FMNL2: variants seen among roughly 807,000 people sequenced by gnomAD.
The protein encoded by FMNL2 is formin-like protein 2.
A neutral mutation model predicts 130.2 loss-of-function variants in FMNL2; 51 were observed. That is an observed-to-expected ratio of 0.39 (90% confidence interval 0.31 to 0.49). The LOEUF (loss-of-function observed/expected upper bound fraction) is 0.49, where lower values mean the gene tolerates loss of function less well. FMNL2 is among the 20% of genes least tolerant of loss of function. The pLI is 0.85. For synonymous variants in FMNL2, 465 were observed against 467.1 expected (o/e 1.00, Z 0.06); for missense variants, 977 against 1,316.2 (o/e 0.74, Z 3.99).
At chr2:152,506,401 T>C (rs1692172344) in intron 1 of FMNL2, among the ~76,000 whole-genome samples, 1 of 151,818 alleles carries the variant, frequency 6.6e-6, no homozygotes, top group Non-Finnish European at 1.5e-5. Context: ...TCCTCCCTTA[T>C]ACTTTAAATC....
intron 1 of FMNL2, among the ~76,000 whole-genome samples, chr2:152,472,444 C>T (rs1363814184): frequency 6.6e-6 from 1 of 152,106 alleles, no homozygotes; most frequent in African/African-American, 2.4e-5. Context: ...TTTACAAAGC[C>T]TGGCCAGACC....
At chr2:152,460,133 G>T (rs115563312) in intron 1 of FMNL2, among the ~76,000 whole-genome samples, 2,436 of 152,084 alleles carry the variant, frequency 0.016, 32 homozygotes, top group Middle Eastern at 0.054. Context: ...TGTCCTTTTC[G>T]CAGTGGGCTC....
Position 152,647,827 on chromosome 2 carries a change from T to C in FMNL2, c.3201T>C (p.Asp1067=). 1.9e-6 allele frequency: 3 copies of C among 1,613,948 alleles called. No homozygotes were observed. Among genetic ancestry groups the C allele is most frequent in the African/African-American group, 1.3e-5 (1 of 75,040 alleles). Residue 1067 remains aspartate, a synonymous_variant, in exon 26 of 26, where the codon GAT becomes GAC. Coordinates refer to ENST00000288670, the MANE Select transcript of FMNL2 (RefSeq NM_052905.4). Reference sequence around the variant, plus strand: ...GAAACCAACCATACAGACGAGCCGATGCGGTGAGGAGAAGCGTCAGGCGGC... The same window carrying C: ...GAAACCAACCATACAGACGAGCCGACGCGGTGAGGAGAAGCGTCAGGCGGC... ...DLRNQPYRRA[D]AVRRSVRRRF...
chr2:152,517,067 G>T (rs1329922464), intron 1 of FMNL2, among the ~76,000 whole-genome samples: 1 of 152,104 alleles, frequency 6.6e-6, no homozygotes, highest in East Asian at 1.9e-4. Context: ...GAATTAACTG[G>T]CACTGAAACA....
rs978970625 is a variant in FMNL2, at chr2:152,499,626, G to A, written c.118-22317G>A. Among the ~76,000 whole-genome samples the A allele has an allele frequency of 5.3e-5, 8 of 152,284 alleles. No individual in the cohort carries two copies. The East Asian group carries it at 1.4e-3, about 26-fold the overall frequency. On this transcript the variant is annotated intron_variant, in intron 1 of 25. Transcript: ENST00000288670. ...CTTAGTGTAGGCTTTTTTCAAGGTA[G>A]GTGTCTTTTAGGACTGAATCGGTTC...
chr2:152,364,686 G>A (rs1683411677), intron 1 of FMNL2, among the ~76,000 whole-genome samples: 1 of 152,188 alleles, frequency 6.6e-6, no homozygotes, highest in African/African-American at 2.4e-5. Flanking sequence ...ATTAGCCTGT[G>A]ACTTTGATCT....
rs770847210 is a variant in FMNL2, at chr2:152,580,996, CT to C, written c.825del (p.Val276SerfsTer28). ...CTTAGAACTGTTGGCAGCCGTTTGT[CT>C]TGTCAGAGGCGGGCATGAAATCATT... ...LVLELLAAVC[L>X]VRGGHEIILS... On this transcript the variant is annotated frameshift_variant, in exon 9 of 26. Transcript: ENST00000288670. LOFTEE classifies it high-confidence loss of function. The C allele has an allele frequency of 6.2e-7, 1 of 1,613,870 alleles. No homozygotes were observed. The highest frequency in any genetic ancestry group is 8.5e-7 in the Non-Finnish European group (1 of 1,179,828).
intron 1 of FMNL2, among the ~76,000 whole-genome samples, chr2:152,455,423 A>G (rs1688894902): frequency 6.6e-6 from 1 of 152,206 alleles, no homozygotes; most frequent in South Asian, 2.1e-4. Flanking sequence ...CCACCAGAGG[A>G]AAGTTCCAGC....
intron 1 of FMNL2, among the ~76,000 whole-genome samples, chr2:152,455,626 G>T (rs1336129388): frequency 6.6e-6 from 1 of 152,168 alleles, no homozygotes; most frequent in Non-Finnish European, 1.5e-5. Flanking sequence ...TTCTTCATGG[G>T]ACTCATAATG....
intron 20 of FMNL2, 71 bp from the exon 21 acceptor site, chr2:152,631,936 TC>T: frequency 6.7e-7 from 1 of 1,503,504 alleles, no homozygotes; most frequent in East Asian, 2.3e-5. Context: ...GGGTGGGAAA[TC>T]GTCACCTGAG....
intron 2 of FMNL2, among the ~76,000 whole-genome samples, chr2:152,536,794 G>A (rs1242000171): frequency 1.3e-5 from 2 of 152,126 alleles, no homozygotes; most frequent in Non-Finnish European, 2.9e-5. Flanking sequence ...CTTTCCTTAA[G>A]CCTCAGAATA....
chr2:152,429,947 T>A (rs1449043783), intron 1 of FMNL2, among the ~76,000 whole-genome samples: 1 of 152,226 alleles, frequency 6.6e-6, no homozygotes, highest in East Asian at 1.9e-4. Flanking sequence ...TTTTAAAAGA[T>A]GTGGCATAGG....
intron 20 of FMNL2, among the ~76,000 whole-genome samples, chr2:152,630,902 C>G (rs1682113000): frequency 6.6e-6 from 1 of 152,172 alleles, no homozygotes; most frequent in African/African-American, 2.4e-5. Context: ...ATAGCAGATG[C>G]AGGGCTGGGA....
At chr2:152,508,313 T>C (rs1393366613) in intron 1 of FMNL2, among the ~76,000 whole-genome samples, 1 of 152,058 alleles carries the variant, frequency 6.6e-6, no homozygotes, top group Non-Finnish European at 1.5e-5. Flanking sequence ...AGTTGAAAAT[T>C]AGGAATCTCT....
chr2:152,616,073 C>T (rs1241582681), intron 12 of FMNL2, among the ~76,000 whole-genome samples: 1 of 152,130 alleles, frequency 6.6e-6, no homozygotes, highest in African/African-American at 2.4e-5. Flanking sequence ...GTGTAAATCT[C>T]CACTCTTCCT....
At position 152,335,710 on chromosome 2, in the gene FMNL2, C is replaced by T; in HGVS notation, c.107C>T (p.Ala36Val). Residue 36 changes from alanine (A) to valine (V), a missense_variant, in exon 1 of 26, where the codon GCC becomes GTC. By Grantham distance (64) the Ala-to-Val change is moderately conservative. Around this residue, in one of 4 missense-constraint regions of FMNL2, gnomAD observed 117 missense variants for 134.9 expected, o/e 0.87. Transcript: ENST00000288670. ...CCAGGTGAACTGGAGGAGCGATTTG[C>T]CATCGTGCTGGTAAGTGCGCGGCGG... Reference protein sequence around the residue: ...PEPGELEERFAIVLNAMNLPP... With the variant: ...PEPGELEERFVIVLNAMNLPP... The T allele has an allele frequency of 6.3e-7, 1 of 1,580,794 alleles. No individual in the cohort carries two copies. The highest frequency in any genetic ancestry group is 8.6e-7 in the Non-Finnish European group (1 of 1,164,098).
intron 1 of FMNL2, among the ~76,000 whole-genome samples, chr2:152,366,451 AT>A (rs67946702): frequency 0.17 from 24,391 of 144,754 alleles, 3,359 homozygotes; most frequent in East Asian, 0.69. Flanking sequence ...TAATAAAAAA[AT>A]AAATAAAATT....
intron 2 of FMNL2, among the ~76,000 whole-genome samples, chr2:152,535,260 C>T (rs1693934115): frequency 6.6e-6 from 1 of 152,180 alleles, no homozygotes; most frequent in East Asian, 1.9e-4. Flanking sequence ...CCTTTCTCTG[C>T]TTTTGTTCCC....
intron 9 of FMNL2, 108 bp from the exon 10 acceptor site, chr2:152,607,231 G>A: frequency 1.1e-6 from 1 of 925,678 alleles, no homozygotes; most frequent in South Asian, 1.5e-5. Context: ...TTATGAGAGA[G>A]AAAAAGATAG....
Sources: gnomAD v4.1 joint callset for allele counts (sites outside exome capture counted in the v4.1 genomes callset) on GRCh38, gnomAD v4.1.1 for gene constraint, gnomAD v4.1.1 regional missense constraint, MANE v1.5 for transcripts, NCBI Gene and HGNC (gene_info 2026-07-23, HGNC 2026-07-21) for gene names.